KLHL1: variants seen among roughly 807,000 people sequenced by gnomAD.
KLHL1 encodes the protein kelch like family member 1.
Under a neutral mutation model 77.7 loss-of-function variants are expected in KLHL1, and 47 were observed. The observed-to-expected ratio is 0.60, with a 90% confidence interval of 0.48 to 0.77. KLHL1 has a LOEUF of 0.77. KLHL1 is among the 30% of genes least tolerant of loss of function. The pLI is 0.00. For synonymous variants in KLHL1, 360 were observed against 325.2 expected (o/e 1.11, Z -1.15); for missense variants, 925 against 910.8 (o/e 1.02, Z -0.20).
chr13:69,799,893 C>A (rs1055952236), intron 6 of KLHL1, among the ~76,000 whole-genome samples: 42 of 152,286 alleles, frequency 2.8e-4, no homozygotes, highest in African/African-American at 8.9e-4. Context: ...TCTGTCAGAC[C>A]AGCCGTGGCA....
At chr13:70,015,712 C>A (rs1444305490) in intron 1 of KLHL1, among the ~76,000 whole-genome samples, 1 of 152,068 alleles carries the variant, frequency 6.6e-6, no homozygotes, top group Non-Finnish European at 1.5e-5. Flanking sequence ...GGTAGGCTAG[C>A]CTAAGCTGTG....
At chr13:69,855,823 G>T (rs35231947) in intron 5 of KLHL1, among the ~76,000 whole-genome samples, 23,381 of 145,070 alleles carry the variant, frequency 0.16, 2,375 homozygotes, top group African/African-American at 0.28. Context: ...AATATATATA[G>T]AAAATATTAT....
intron 6 of KLHL1, among the ~76,000 whole-genome samples, chr13:69,797,361 G>A (rs1206574437): frequency 6.6e-6 from 1 of 152,104 alleles, no homozygotes; most frequent in East Asian, 1.9e-4. Flanking sequence ...AGCTATGCAT[G>A]TTATTTGGAT....
At chr13:69,819,630 A>AT (rs368260964) in intron 6 of KLHL1, among the ~76,000 whole-genome samples, 3 of 151,858 alleles carry the variant, frequency 2.0e-5, no homozygotes, top group African/African-American at 7.3e-5. Context: ...AAAAAAAAAA[A>AT]TGTAGAAATA....
At chr13:70,019,194 G>C (rs910980969) in intron 1 of KLHL1, among the ~76,000 whole-genome samples, 2 of 152,136 alleles carry the variant, frequency 1.3e-5, no homozygotes, top group South Asian at 2.1e-4. Flanking sequence ...GGTTGTCTCT[G>C]TGTTATGAGG....
chr13:69,835,296 T>C (rs530416856), intron 6 of KLHL1, among the ~76,000 whole-genome samples: 1 of 152,138 alleles, frequency 6.6e-6, no homozygotes, highest in East Asian at 1.9e-4. Context: ...CTGGGCAAAT[T>C]ACAAAAAAAA....
intron 7 of KLHL1, among the ~76,000 whole-genome samples, chr13:69,778,161 A>G (rs1057337222): frequency 8.5e-5 from 13 of 152,144 alleles, no homozygotes; most frequent in African/African-American, 2.9e-4. Flanking sequence ...AAATTTGCAG[A>G]TATTTGTTAT....
intron 1 of KLHL1, among the ~76,000 whole-genome samples, chr13:70,083,700 AAAG>A (rs1368215226): frequency 6.6e-6 from 1 of 152,178 alleles, no homozygotes; most frequent in Non-Finnish European, 1.5e-5. Flanking sequence ...TATGTTTTTA[AAAG>A]ATGATGTAAT....
Position 69,868,407 on chromosome 13 carries a change from A to G in KLHL1, c.1227+13876T>C, listed in dbSNP as rs113627108. ...ACAATATTTGTTAGAGAAAAATGAC[A>G]TGGACATACATTTTTTTAGATGATG... On this transcript the variant is annotated intron_variant, in intron 5 of 10. Coordinates refer to ENST00000377844, the MANE Select transcript of KLHL1 (RefSeq NM_020866.3). Among the ~76,000 whole-genome samples, 1,359 of 151,242 alleles carry G rather than the reference A, an allele frequency of 9.0e-3. 31 individuals carry two copies. Among genetic ancestry groups the G allele is most frequent in the African/African-American group, 0.032 (1,301 of 40,670 alleles).
chr13:69,821,245 T>G (rs1454827333), intron 6 of KLHL1, among the ~76,000 whole-genome samples: 1 of 152,184 alleles, frequency 6.6e-6, no homozygotes, highest in Non-Finnish European at 1.5e-5. Context: ...CATAAATTAT[T>G]ACGAGAAAAT....
chr13:69,861,428 T>A (rs1416767113), intron 5 of KLHL1, among the ~76,000 whole-genome samples: 1 of 152,100 alleles, frequency 6.6e-6, no homozygotes, highest in Non-Finnish European at 1.5e-5. Context: ...GATTTCCTAC[T>A]ACACATCTAT....
intron 7 of KLHL1, among the ~76,000 whole-genome samples, chr13:69,750,664 C>A (rs1874439062): frequency 6.6e-6 from 1 of 151,866 alleles, no homozygotes; most frequent in South Asian, 2.1e-4. Context: ...GACTCATATA[C>A]TATTTTAAAA....
chr13:70,030,108 C>A (rs1248237449), intron 1 of KLHL1, among the ~76,000 whole-genome samples: 1 of 152,096 alleles, frequency 6.6e-6, no homozygotes, highest in Non-Finnish European at 1.5e-5. Context: ...TCCTTAGAGA[C>A]CTACGAAGAG....
chr13:69,757,333 A>G (rs1372563296), intron 7 of KLHL1, among the ~76,000 whole-genome samples: 3 of 152,140 alleles, frequency 2.0e-5, no homozygotes, highest in Non-Finnish European at 4.4e-5. Flanking sequence ...ATAATTTAAC[A>G]TAATAATCAA....
At chr13:69,931,814 G>A (rs7337005) in intron 4 of KLHL1, among the ~76,000 whole-genome samples, 55,581 of 151,252 alleles carry the variant, frequency 0.37, 10,704 homozygotes, top group Non-Finnish European at 0.43. Context: ...GAAATTAGAT[G>A]GGAAATTATG....
intron 1 of KLHL1, among the ~76,000 whole-genome samples, chr13:70,097,228 T>A (rs1887813142): frequency 6.6e-6 from 1 of 152,046 alleles, no homozygotes; most frequent in South Asian, 2.1e-4. Context: ...AGAAAAATCT[T>A]ACAAATGTGA....
chr13:69,998,830 A>G (rs1242398003), intron 1 of KLHL1, among the ~76,000 whole-genome samples: 1 of 151,980 alleles, frequency 6.6e-6, no homozygotes, highest in African/African-American at 2.4e-5. Context: ...GCAAAAGAGT[A>G]TGCACCCAAG....
intron 5 of KLHL1, among the ~76,000 whole-genome samples, chr13:69,880,643 T>C (rs1195896696): frequency 6.6e-6 from 1 of 152,178 alleles, no homozygotes; most frequent in Non-Finnish European, 1.5e-5. Context: ...ATCTCTGATC[T>C]GATGTAACCA....
chr13:70,042,477 G>A (rs758869118), intron 1 of KLHL1, among the ~76,000 whole-genome samples: 37 of 152,070 alleles, frequency 2.4e-4, no homozygotes, highest in Non-Finnish European at 4.7e-4. Context: ...TTATAATGGA[G>A]CTGAAAAACT....
Sources: allele counts gnomAD v4.1 joint callset (sites outside exome capture counted in the v4.1 genomes callset), GRCh38; gene constraint gnomAD v4.1.1; transcripts MANE v1.5; gene names NCBI Gene and HGNC (gene_info 2026-07-23, HGNC 2026-07-21).